Variants in ABTB3 observed in about 807,000 individuals in gnomAD.
The protein encoded by ABTB3 is ankyrin repeat and BTB domain containing 3.
At chr12:107,501,938 C>T in the ABTB3 span, among the ~76,000 whole-genome samples, 1 of 152,150 alleles carries the variant, frequency 6.6e-6, no homozygotes, top group Non-Finnish European at 1.5e-5. Context: ...TGATTTGAGT[C>T]AACTCAGAGG....
the ABTB3 span, among the ~76,000 whole-genome samples, chr12:107,386,776 C>T: frequency 1.6e-4 from 25 of 152,138 alleles, no homozygotes; most frequent in East Asian, 4.8e-3. Flanking sequence ...CATCTTTTTC[C>T]TGCAGCTGCC....
At chr12:107,352,864 C>T in the ABTB3 span, among the ~76,000 whole-genome samples, 1 of 152,016 alleles carries the variant, frequency 6.6e-6, no homozygotes, top group Non-Finnish European at 1.5e-5. Flanking sequence ...TGCCACTGGC[C>T]TATATGAACC....
chr12:107,463,357 G>GATGAAA, the ABTB3 span, among the ~76,000 whole-genome samples: 5 of 152,064 alleles, frequency 3.3e-5, no homozygotes, highest in Admixed American at 3.3e-4. Flanking sequence ...TGGTGGTGAT[G>GATGAAA]ATGAAAATGA....
chr12:107,548,650 A>G, the ABTB3 span, among the ~76,000 whole-genome samples: 1 of 152,160 alleles, frequency 6.6e-6, no homozygotes, highest in Non-Finnish European at 1.5e-5. Flanking sequence ...AGATATTTTT[A>G]TTTTACAAAA....
the ABTB3 span, among the ~76,000 whole-genome samples, chr12:107,527,980 A>G: frequency 2.0e-3 from 311 of 152,296 alleles, 3 homozygotes; most frequent in African/African-American, 7.2e-3. Context: ...GAAAAGGGTG[A>G]CAATACCTCC....
At chr12:107,372,914 C>T in the ABTB3 span, among the ~76,000 whole-genome samples, 5 of 152,174 alleles carry the variant, frequency 3.3e-5, no homozygotes, top group Non-Finnish European at 5.9e-5. Context: ...TCCCCAGTGC[C>T]GGGAGCAGGG....
the ABTB3 span, among the ~76,000 whole-genome samples, chr12:107,321,416 G>A: frequency 6.6e-6 from 1 of 152,174 alleles, no homozygotes; most frequent in Admixed American, 6.5e-5. Flanking sequence ...GCCGCCCTCG[G>A]TCCCTTCACC....
At chr12:107,368,448 C>T in the ABTB3 span, among the ~76,000 whole-genome samples, 1 of 152,238 alleles carries the variant, frequency 6.6e-6, no homozygotes, top group South Asian at 2.1e-4. Context: ...TAATGACTAT[C>T]ACATAGTTGG....
the ABTB3 span, among the ~76,000 whole-genome samples, chr12:107,500,522 C>G: frequency 1.3e-5 from 2 of 152,314 alleles, no homozygotes; most frequent in Non-Finnish European, 2.9e-5. Context: ...CAAGCCCTAG[C>G]TGACACGTGT....
the ABTB3 span, among the ~76,000 whole-genome samples, chr12:107,528,235 G>A: frequency 1.3e-5 from 2 of 152,090 alleles, no homozygotes; most frequent in African/African-American, 4.8e-5. Flanking sequence ...ATTTCCCCAA[G>A]GGTGGCACTG....
At chr12:107,362,790 TAA>T in the ABTB3 span, among the ~76,000 whole-genome samples, 1 of 141,938 alleles carries the variant, frequency 7.0e-6, no homozygotes, top group South Asian at 2.2e-4. Flanking sequence ...AAACCCTGTC[TAA>T]AAAAAAAAAA....
At chr12:107,523,055 G>T in the ABTB3 span, among the ~76,000 whole-genome samples, 1 of 152,208 alleles carries the variant, frequency 6.6e-6, no homozygotes, top group Admixed American at 6.5e-5. Context: ...ATTGATCACA[G>T]AAATGCTAGA....
At chr12:107,524,043 A>C in the ABTB3 span, among the ~76,000 whole-genome samples, 4 of 152,192 alleles carry the variant, frequency 2.6e-5, no homozygotes, top group Non-Finnish European at 2.9e-5. Context: ...TGCTAAACAA[A>C]TCTGCTCTTC....
the ABTB3 span, chr12:107,580,852 T>C: frequency 1.9e-6 from 3 of 1,545,014 alleles, no homozygotes; most frequent in Non-Finnish European, 2.6e-6. Flanking sequence ...AGGGATAATA[T>C]TCCCAGATCA....
At chr12:107,381,464 C>A in the ABTB3 span, among the ~76,000 whole-genome samples, 2 of 152,200 alleles carry the variant, frequency 1.3e-5, no homozygotes, top group Admixed American at 1.3e-4. Context: ...GCTGCCTACA[C>A]TGGCACCCAA....
At chr12:107,341,897 G>A in the ABTB3 span, among the ~76,000 whole-genome samples, 6 of 152,190 alleles carry the variant, frequency 3.9e-5, no homozygotes, top group Admixed American at 6.5e-5. Context: ...TTTGCCATGT[G>A]ACATGCCTGC....
At chr12:107,321,757 A>C in the ABTB3 span, among the ~76,000 whole-genome samples, 1 of 152,102 alleles carries the variant, frequency 6.6e-6, no homozygotes, top group Admixed American at 6.5e-5. Flanking sequence ...TCTTTGTTTG[A>C]AACCCTACCT....
At chr12:107,408,309 C>T in the ABTB3 span, among the ~76,000 whole-genome samples, 1 of 152,222 alleles carries the variant, frequency 6.6e-6, no homozygotes, top group Non-Finnish European at 1.5e-5. Context: ...TTAAAATCCA[C>T]AGCCCTGTGG....
At chr12:107,615,065 T>A in the ABTB3 span, 2 of 1,612,630 alleles carry the variant, frequency 1.2e-6, no homozygotes, top group Admixed American at 3.3e-5. Context: ...TTATAGGTTG[T>A]CAGTACTCCT....
Sources: allele counts gnomAD v4.1 joint callset (sites outside exome capture counted in the v4.1 genomes callset), GRCh38; gene constraint gnomAD v4.1.1; transcripts MANE v1.5; gene names NCBI Gene and HGNC (gene_info 2026-07-23, HGNC 2026-07-21).